BRD10: variants seen among roughly 807,000 people sequenced by gnomAD.
BRD10 encodes the protein uncharacterized bromodomain-containing protein 10.
the BRD10 span, among the ~76,000 whole-genome samples, chr9:5,912,817 GC>G: frequency 2.0e-5 from 3 of 152,198 alleles, no homozygotes; most frequent in Non-Finnish European, 4.4e-5. Context: ...GATCCCCTAA[GC>G]TTCCTGCAGG....
At chr9:5,922,004 G>A in the BRD10 span, 12 of 1,614,026 alleles carry the variant, frequency 7.4e-6, no homozygotes, top group Non-Finnish European at 1.0e-5. Context: ...TGAAAAAGCA[G>A]AGGAAGAAGT....
chr9:5,921,186 G>C, the BRD10 span: 1 of 1,613,884 alleles, frequency 6.2e-7, no homozygotes, highest in Non-Finnish European at 8.5e-7. Flanking sequence ...TCTCCTTTTG[G>C]GGTTACATTT....
chr9:5,912,171 G>A, the BRD10 span, among the ~76,000 whole-genome samples: 1 of 152,018 alleles, frequency 6.6e-6, no homozygotes. Flanking sequence ...TGATTTTTCA[G>A]GTTGTTCCCT....
At chr9:5,986,388 G>A in the BRD10 span, among the ~76,000 whole-genome samples, 1 of 152,102 alleles carries the variant, frequency 6.6e-6, no homozygotes, top group Non-Finnish European at 1.5e-5. Flanking sequence ...GAGCATTTGG[G>A]TTGATTCCAT....
chr9:5,919,498 C>G, the BRD10 span: 3 of 551,630 alleles, frequency 5.4e-6, no homozygotes, highest in Non-Finnish European at 9.2e-6. Flanking sequence ...TTTCCCTCCC[C>G]AAGAAAACAA....
the BRD10 span, among the ~76,000 whole-genome samples, chr9:5,982,770 G>C: frequency 6.6e-5 from 10 of 152,178 alleles, no homozygotes; most frequent in Non-Finnish European, 1.5e-5. Context: ...ACTGAAGGCA[G>C]TTTTTAGACT....
At chr9:5,949,627 C>A in the BRD10 span, among the ~76,000 whole-genome samples, 1 of 152,174 alleles carries the variant, frequency 6.6e-6, no homozygotes, top group Non-Finnish European at 1.5e-5. Context: ...GAAATGGGAG[C>A]AAGGGCACAC....
At chr9:5,905,820 A>G in the BRD10 span, among the ~76,000 whole-genome samples, 1 of 152,160 alleles carries the variant, frequency 6.6e-6, no homozygotes, top group African/African-American at 2.4e-5. Context: ...TCATAACCCA[A>G]CCACCTCAGG....
At chr9:5,956,590 T>C in the BRD10 span, among the ~76,000 whole-genome samples, 1 of 152,198 alleles carries the variant, frequency 6.6e-6, no homozygotes, top group African/African-American at 2.4e-5. Flanking sequence ...CTTATACTAC[T>C]GCTAGGCACA....
the BRD10 span, among the ~76,000 whole-genome samples, chr9:5,907,729 G>T: frequency 1.3e-5 from 2 of 152,220 alleles, no homozygotes; most frequent in African/African-American, 4.8e-5. Context: ...GAGGTGGGTG[G>T]ATCACCTGAT....
the BRD10 span, among the ~76,000 whole-genome samples, chr9:5,926,482 A>AT: frequency 6.6e-6 from 1 of 151,744 alleles, no homozygotes; most frequent in East Asian, 1.9e-4. Context: ...TAATGTTTGT[A>AT]TTTTTTGTAC....
chr9:6,008,314 C>A, the BRD10 span: 1 of 985,018 alleles, frequency 1.0e-6, no homozygotes, highest in Non-Finnish European at 1.2e-6. Context: ...AGGCGGTGCA[C>A]GGACGGGGCC....
chr9:5,920,549 CTTG>C, the BRD10 span: 1 of 1,613,936 alleles, frequency 6.2e-7, no homozygotes, highest in Non-Finnish European at 8.5e-7. Flanking sequence ...TTTACCTGGA[CTTG>C]TTGAAAGGGA....
chr9:5,920,935 G>A, the BRD10 span: 4 of 1,613,822 alleles, frequency 2.5e-6, no homozygotes, highest in Admixed American at 5.0e-5. Flanking sequence ...TTCTTGAAGA[G>A]GTATCATTTC....
chr9:5,961,874 T>A, the BRD10 span, among the ~76,000 whole-genome samples: 1 of 152,238 alleles, frequency 6.6e-6, no homozygotes. Flanking sequence ...CTTTGTGCCT[T>A]CTACTAAAAA....
the BRD10 span, chr9:5,914,134 A>T: frequency 2.3e-6 from 1 of 431,098 alleles, no homozygotes; most frequent in Non-Finnish European, 4.6e-6. Context: ...GGTTTTCCCA[A>T]GTGGTTCCTG....
At chr9:5,939,143 C>A in the BRD10 span, among the ~76,000 whole-genome samples, 2 of 151,950 alleles carry the variant, frequency 1.3e-5, no homozygotes, top group Non-Finnish European at 2.9e-5. Flanking sequence ...GATTAATGCA[C>A]AATAATTTCT....
the BRD10 span, among the ~76,000 whole-genome samples, chr9:5,959,593 CTT>C: frequency 6.6e-6 from 1 of 152,138 alleles, no homozygotes; most frequent in Non-Finnish European, 1.5e-5. Context: ...CTTTCACTCT[CTT>C]TATATTTTGA....
the BRD10 span, chr9:5,933,842 A>G: frequency 4.2e-6 from 2 of 470,788 alleles, no homozygotes; most frequent in Non-Finnish European, 4.4e-6. Flanking sequence ...TGGCAAGGAG[A>G]GGGAGTTGGC....
Sources: allele counts gnomAD v4.1 joint callset (sites outside exome capture counted in the v4.1 genomes callset), GRCh38; gene constraint gnomAD v4.1.1; transcripts MANE v1.5; gene names NCBI Gene and HGNC (gene_info 2026-07-23, HGNC 2026-07-21).